Variants in ALCAM observed in about 807,000 individuals in gnomAD.
ALCAM encodes the protein CD166 antigen.
A neutral mutation model predicts 70.9 loss-of-function variants in ALCAM; 30 were observed. That is an observed-to-expected ratio of 0.42 (90% CI 0.32 to 0.57). The LOEUF (loss-of-function observed/expected upper bound fraction) is 0.57. ALCAM is among the 20% of genes least tolerant of loss of function. The pLI is 0.11. For synonymous variants in ALCAM, 249 were observed against 242.5 expected, an observed-to-expected ratio of 1.03 and a Z score of -0.25; for missense variants, 591 against 695.1, an observed-to-expected ratio of 0.85 and a Z score of 1.68.
rs1406878267 is a variant in ALCAM, at chr3:105,575,290, A to G, written c.*839A>G. The G allele has an allele frequency of 6.6e-6, 1 of 152,620 alleles. No homozygotes were observed. The highest frequency in any genetic ancestry group is 1.5e-5 in the Non-Finnish European group (1 of 68,032). The allele number at this position is 152,620 out of a possible 1,614,324, so 9.5% of individuals were successfully genotyped here. ...AATCATGGTCAACATTCCCATTTTC[A>G]TAGATCACAATGTAAATCACTATAA... On this transcript the variant is annotated 3_prime_UTR_variant, in exon 16 of 16. Transcript: ENST00000306107.
rs1348844638 is a variant in ALCAM, at chr3:105,547,387, C to T, written c.1241-3C>T. ...ACATCTTATTTTAATTGTAATATTT[C>T]AGGCAAACCTCAAATAAAAATGACA... On this transcript the variant is annotated splice_region_variant and splice_polypyrimidine_tract_variant and intron_variant, in intron 10 of 15. Coordinates refer to ENST00000306107, the MANE Select transcript of ALCAM (RefSeq NM_001627.4). The T allele has an allele frequency of 2.3e-5, 36 of 1,599,572 alleles. No homozygotes were observed. The highest frequency in any genetic ancestry group is 3.0e-5 in the Non-Finnish European group (35 of 1,174,306).
At chr3:105,448,095 T>A (rs1937340116) in intron 1 of ALCAM, among the ~76,000 whole-genome samples, 2 of 152,206 alleles carry the variant, frequency 1.3e-5, no homozygotes, top group African/African-American at 4.8e-5. Flanking sequence ...GTGGAAACCC[T>A]GTTTTATAAA....
At chr3:105,556,581 G>A (rs556384376) in intron 14 of ALCAM, among the ~76,000 whole-genome samples, 2 of 152,086 alleles carry the variant, frequency 1.3e-5, no homozygotes, top group South Asian at 4.1e-4. Context: ...TAAATTGGCT[G>A]AAGGGCTAAA....
At chr3:105,436,148 G>C (rs1272153213) in intron 1 of ALCAM, among the ~76,000 whole-genome samples, 1 of 152,090 alleles carries the variant, frequency 6.6e-6, no homozygotes, top group Admixed American at 6.5e-5. Flanking sequence ...CTCCCACCAG[G>C]TCCTTCCCAC....
chr3:105,445,502 C>A (rs1937273127), intron 1 of ALCAM, among the ~76,000 whole-genome samples: 2 of 151,996 alleles, frequency 1.3e-5, no homozygotes, highest in Non-Finnish European at 1.5e-5. Context: ...TATGGAACCA[C>A]AAAACACCCC....
chr3:105,490,867 A>G (rs549068031), intron 1 of ALCAM, among the ~76,000 whole-genome samples: 1 of 152,250 alleles, frequency 6.6e-6, no homozygotes, highest in Admixed American at 6.5e-5. Flanking sequence ...CAAGCTGTGG[A>G]TGGATCTACA....
chr3:105,539,904 A>G (rs1940071858), intron 6 of ALCAM, 71 bp from the exon 7 acceptor site: 10 of 1,505,976 alleles, frequency 6.6e-6, no homozygotes, highest in Non-Finnish European at 8.1e-6. Flanking sequence ...TAATTTAGTC[A>G]TTTACATTGT....
intron 1 of ALCAM, among the ~76,000 whole-genome samples, chr3:105,469,838 G>A (rs1057165816): frequency 3.3e-4 from 50 of 150,718 alleles, no homozygotes; most frequent in Admixed American, 1.5e-3. Context: ...AATTGTAGTC[G>A]TAAAGGAATC....
intron 1 of ALCAM, among the ~76,000 whole-genome samples, chr3:105,499,555 A>T (rs1305566623): frequency 3.3e-5 from 5 of 152,198 alleles, no homozygotes; most frequent in Admixed American, 3.3e-4. Context: ...GAAAAGAAAT[A>T]TTTTTTGCCT....
chr3:105,552,147 G>C lies in ALCAM; in HGVS notation c.1511G>C (p.Ser504Thr). The change falls in exon 13 of 16, where the codon AGT becomes ACT. Residue 504 changes from serine (S) to threonine (T), a missense_variant. Transcript: ENST00000306107. ...TVNSLNVSAI[S>T]IPEHDEADEI... is the part of the protein sequence containing the mutation. ...ATATTAACATTTTTCATTTCAGTAA[G>C]TATTCCAGAACACGATGAGGCAGAC... 6.3e-7 allele frequency: 1 copy of C among 1,598,000 alleles called. No homozygotes were observed.
rs527594250 is a variant in ALCAM at position 105,535,841 on chromosome 3, G to A, written c.730+996G>A. Among the ~76,000 whole-genome samples, 8 of 152,116 alleles carry A rather than the reference G, an allele frequency of 5.3e-5. No homozygotes were observed. In the South Asian group the frequency reaches 8.3e-4, roughly 16 times the overall value. On this transcript the variant is annotated intron_variant, in intron 6 of 15. Transcript: ENST00000306107. ...ACTTCTACATCTATTTTAGAGAAAA[G>A]CCAGGAATGCCTGCTGAGCCTTTCG...
At chr3:105,507,991 GTTCC>G (rs1190121550) in intron 1 of ALCAM, among the ~76,000 whole-genome samples, 5 of 152,028 alleles carry the variant, frequency 3.3e-5, no homozygotes, top group Admixed American at 2.0e-4. Flanking sequence ...TAGACTTCTG[GTTCC>G]TGATCTGAAA....
Position 105,525,366 on chromosome 3 carries a change from A to G in ALCAM, c.394+858A>G, listed in dbSNP as rs1273000459. 3 of 980,350 alleles carry G rather than the reference A, an allele frequency of 3.1e-6. No individual in the cohort carries two copies. The African/African-American group carries it at 5.2e-5, about 17-fold the overall frequency. 60.7% of individuals were successfully genotyped at this position (980,350 alleles called of 1,614,324 possible). ...TGACTTGAGAAGTTATAATTAAAGT[A>G]TTTCATCTTTTAAAACTCAAATAAA... is the stretch of plus-strand genomic sequence containing the variant. On this transcript the variant is annotated intron_variant, in intron 3 of 15. Coordinates refer to ENST00000306107, the MANE Select transcript of ALCAM (RefSeq NM_001627.4).
chr3:105,480,319 C>A (rs1329735995), intron 1 of ALCAM, among the ~76,000 whole-genome samples: 1 of 151,890 alleles, frequency 6.6e-6, no homozygotes, highest in Non-Finnish European at 1.5e-5. Context: ...CATTGCACTC[C>A]AGAGCCTGGG....
At position 105,367,061 on chromosome 3, in the gene ALCAM, A is replaced by G. The variant is rs1935075128; in HGVS notation, c.-348A>G. 4.6e-6 allele frequency: 1 copy of G among 215,996 alleles called. No individual in the cohort carries two copies. The highest frequency in any genetic ancestry group is 2.3e-5 in the African/African-American group (1 of 43,294). 13.4% of individuals were successfully genotyped at this position (215,996 alleles called of 1,614,324 possible). A position where few individuals can be genotyped will look rare whatever the true frequency, so the allele number is the denominator to read the frequency against. ...CACTGCCATTATTATTATCATTCCAATACAAGGAAAATAAAAGAAGATACC... is the reference window on the plus strand; with the variant it reads ...CACTGCCATTATTATTATCATTCCAGTACAAGGAAAATAAAAGAAGATACC... On this transcript the variant is annotated 5_prime_UTR_variant, in exon 1 of 16. Coordinates refer to ENST00000306107, the MANE Select transcript of ALCAM (RefSeq NM_001627.4).
chr3:105,451,251 G>C (rs1171318847), intron 1 of ALCAM, among the ~76,000 whole-genome samples: 1 of 147,306 alleles, frequency 6.8e-6, no homozygotes, highest in Non-Finnish European at 1.5e-5. Flanking sequence ...AATAAAGCAA[G>C]GAAGCAAGAA....
chr3:105,481,882 T>G (rs1458484583), intron 1 of ALCAM, among the ~76,000 whole-genome samples: 3 of 152,188 alleles, frequency 2.0e-5, no homozygotes, highest in African/African-American at 7.2e-5. Flanking sequence ...TCATTAAAGA[T>G]AAATAGTTTA....
Position 105,520,350 on chromosome 3 carries a change from A to T in ALCAM, c.174+183A>T, listed in dbSNP as rs143023970. Among the ~76,000 whole-genome samples, 240 of 152,336 alleles carry T rather than the reference A, an allele frequency of 1.6e-3. 2 individuals carry two copies. Among genetic ancestry groups the T allele is most frequent in the African/African-American group, 5.6e-3 (232 of 41,564 alleles). On this transcript the variant is annotated intron_variant, in intron 2 of 15. Transcript: ENST00000306107. ...TAATTCCTATCTTACATAACAAATG[A>T]TATTTTAAAATAAAGCCAATAAACA...
intron 14 of ALCAM, among the ~76,000 whole-genome samples, chr3:105,563,663 A>ATTTTTTTTT (rs1940677356): frequency 4.1e-5 from 3 of 72,564 alleles, no homozygotes; most frequent in African/African-American, 6.8e-5. Flanking sequence ...AATTCCAAGC[A>ATTTTTTTTT]TTTCTTTTTT....
Sources: gnomAD v4.1 joint callset for allele counts (sites outside exome capture counted in the v4.1 genomes callset) on GRCh38, gnomAD v4.1.1 for gene constraint, MANE v1.5 for transcripts, NCBI Gene and HGNC (gene_info 2026-07-23, HGNC 2026-07-21) for gene names.